Variants in SMAD4 observed in about 807,000 individuals in gnomAD.
SMAD4 encodes the protein MAD homolog 4.
SMAD4 carries 7 observed loss-of-function variants against 63.2 expected under a neutral mutation model. The ratio of observed to expected loss-of-function variants is 0.11; its 90% CI spans 0.06 to 0.21. SMAD4 has a LOEUF of 0.21. Ranked by LOEUF, SMAD4 falls within the 10% of genes least tolerant of loss-of-function variation. The pLI, the probability that SMAD4 is intolerant of heterozygous loss-of-function variation, is 1.00. For synonymous variants in SMAD4, 215 were observed against 235.4 expected, an observed-to-expected ratio of 0.91 and a Z score of 0.79; for missense variants, 312 against 693.8, an observed-to-expected ratio of 0.45 and a Z score of 6.18.
chr18:51,043,045 A>G (rs1909436505), intron 1 of SMAD4, among the ~76,000 whole-genome samples: 1 of 152,174 alleles, frequency 6.6e-6, no homozygotes, highest in Non-Finnish European at 1.5e-5. Context: ...ATGCCTGAGT[A>G]TTTATAGGTG....
intron 1 of SMAD4, among the ~76,000 whole-genome samples, chr18:51,033,049 C>T (rs935682140): frequency 2.0e-5 from 3 of 151,862 alleles, no homozygotes; most frequent in Admixed American, 2.0e-4. Flanking sequence ...TGGTTACGCC[C>T]CAAAATTTTT....
chr18:51,036,912 C>T (rs1396718198), intron 1 of SMAD4, among the ~76,000 whole-genome samples: 1 of 152,210 alleles, frequency 6.6e-6, no homozygotes, highest in Admixed American at 6.5e-5. Context: ...AATCTCAGCA[C>T]TTTGGGAGGC....
intron 1 of SMAD4, among the ~76,000 whole-genome samples, chr18:51,033,967 A>G (rs1350433596): frequency 1.3e-5 from 2 of 152,238 alleles, no homozygotes; most frequent in Non-Finnish European, 1.5e-5. Flanking sequence ...TGCAAATTAT[A>G]TTATAGATCA....
chr18:51,042,811 C>T (rs528323363), intron 1 of SMAD4, among the ~76,000 whole-genome samples: 70 of 152,322 alleles, frequency 4.6e-4, no homozygotes, highest in African/African-American at 1.5e-3. Context: ...AAGCAGTCCT[C>T]CTGCCCCAGC....
At chr18:51,077,620 A>G (rs547420439) in intron 11 of SMAD4, among the ~76,000 whole-genome samples, 13 of 152,308 alleles carry the variant, frequency 8.5e-5, no homozygotes, top group Non-Finnish European at 1.6e-4. Context: ...TAGATTAGGC[A>G]TATTCATTGA....
rs954395689 is a variant in SMAD4, at chr18:51,067,633, G to A, written c.1308+446G>A. 2.6e-5 allele frequency among the ~76,000 whole-genome samples: 4 copies of A among 151,962 alleles called. No homozygotes were observed. The South Asian group carries it at 6.2e-4, about 24-fold the overall frequency. ...TCACCATGTTGGCCAGGCTGGTCTC[G>A]AACTCCTGACCTAAAGTGATCCGCC... On this transcript the variant is annotated intron_variant, in intron 10 of 11. Transcript: ENST00000342988.
intron 10 of SMAD4, among the ~76,000 whole-genome samples, chr18:51,074,147 G>A (rs181276808): frequency 7.3e-4 from 111 of 151,638 alleles, no homozygotes; most frequent in Non-Finnish European, 1.3e-3. Context: ...GTCAAGGTAG[G>A]AGGATTGCTT....
intron 1 of SMAD4, 30 bp downstream of exon 1, chr18:51,030,653 C>G (rs1432125371): frequency 6.7e-6 from 1 of 150,052 alleles, no homozygotes; most frequent in African/African-American, 2.4e-5. Flanking sequence ...TCCCCTTCCC[C>G]CGGCCGGGCC....
intron 10 of SMAD4, among the ~76,000 whole-genome samples, chr18:51,069,215 T>A (rs1418688601): frequency 1.3e-5 from 2 of 152,098 alleles, no homozygotes; most frequent in African/African-American, 4.8e-5. Flanking sequence ...TTCCAGGGTT[T>A]AAGTGATTCT....
intron 1 of SMAD4, among the ~76,000 whole-genome samples, chr18:51,044,101 G>A (rs188119770): frequency 2.0e-5 from 3 of 152,252 alleles, no homozygotes; most frequent in Middle Eastern, 3.4e-3. Flanking sequence ...AATTGTAATC[G>A]TAATTGTTAA....
intron 1 of SMAD4, among the ~76,000 whole-genome samples, chr18:51,041,469 T>A (rs1437465034): frequency 2.6e-5 from 4 of 152,218 alleles, no homozygotes; most frequent in Admixed American, 1.3e-4. Flanking sequence ...TAATTTATTT[T>A]GCGTGTTGTC....
At position 51,032,070 on chromosome 18, in the gene SMAD4, A is replaced by G. The variant is rs77212176; in HGVS notation, c.-128+1447A>G. 3.9e-4 allele frequency among the ~76,000 whole-genome samples: 60 copies of G among 152,338 alleles called. 2 individuals carry two copies. The East Asian group carries it at 0.01, about 26-fold the overall frequency. ...ATGGGTTTGTTACAGAACAAATGTAATAGAGATGGACCAAGCATTTGTAAT... is the reference window on the plus strand; with the variant it reads ...ATGGGTTTGTTACAGAACAAATGTAGTAGAGATGGACCAAGCATTTGTAAT... On this transcript the variant is annotated intron_variant, in intron 1 of 11. Transcript: ENST00000342988.
chr18:51,076,568 C>A, intron 10 of SMAD4, 70 bp from the exon 11 acceptor site: 1 of 1,369,316 alleles, frequency 7.3e-7, no homozygotes, highest in Non-Finnish European at 1.0e-6. Context: ...TTAAATAAGT[C>A]AGGCATTGGT....
At chr18:51,057,517 T>G (rs1909876870) in intron 5 of SMAD4, among the ~76,000 whole-genome samples, 1 of 152,162 alleles carries the variant, frequency 6.6e-6, no homozygotes, top group Non-Finnish European at 1.5e-5. Context: ...TTGAAAAAAT[T>G]TGAAAGTAGA....
In SMAD4 at chr18:51,081,477, T is replaced by C. The variant is rs1910611948; in HGVS notation, c.*3010T>C. 4.3e-6 allele frequency: 1 copy of C among 231,266 alleles called. No individual in the cohort carries two copies. The highest frequency in any genetic ancestry group is 1.8e-4 in the South Asian group (1 of 5,524). The allele number at this position is 231,266 out of a possible 1,614,324, so 14.3% of individuals were successfully genotyped here. A position where few individuals can be genotyped will look rare whatever the true frequency, so the allele number is the denominator to read the frequency against. Reference sequence around the variant, plus strand: ...GACAATAAATCACTGCCATATAACCTTGCTTTTTCCAGAAACATGGCTGTT... The same window carrying C: ...GACAATAAATCACTGCCATATAACCCTGCTTTTTCCAGAAACATGGCTGTT... On this transcript the variant is annotated 3_prime_UTR_variant, in exon 12 of 12. Transcript: ENST00000342988.
At chr18:51,072,837 G>T (rs1242745686) in intron 10 of SMAD4, among the ~76,000 whole-genome samples, 1 of 152,080 alleles carries the variant, frequency 6.6e-6, no homozygotes, top group Non-Finnish European at 1.5e-5. Context: ...ACTTTGAATT[G>T]CCTTTGTCAA....
rs1412497930 is a variant in SMAD4 at position 51,059,761 on chromosome 18, AATTCCTAACCT to A, written c.905-102_905-92del. Reference sequence around the variant, plus strand: ...GACATTGCATAAGCTTGTTTTAAACAATTCCTAACCTATAATAGTTATATTTAAGTAAGATT... The same window carrying A: ...GACATTGCATAAGCTTGTTTTAAACAATAATAGTTATATTTAAGTAAGATT... On this transcript the variant is annotated intron_variant, in intron 7 of 11. Transcript: ENST00000342988. 1.8e-4 allele frequency: 156 copies of A among 857,382 alleles called. 1 individual carries two copies. In the Admixed American group the frequency reaches 3.0e-3, roughly 16 times the overall value. 53.1% of individuals were successfully genotyped at this position (857,382 alleles called of 1,614,324 possible). A position where few individuals can be genotyped will look rare whatever the true frequency, so the allele number is the denominator to read the frequency against.
At chr18:51,061,645 A>G (rs1910018108) in intron 8 of SMAD4, among the ~76,000 whole-genome samples, 1 of 152,236 alleles carries the variant, frequency 6.6e-6, no homozygotes, top group African/African-American at 2.4e-5. Flanking sequence ...CCTCAGTTTC[A>G]GCCATTATCA....
chr18:51,031,137 A>G (rs1196305694), intron 1 of SMAD4, among the ~76,000 whole-genome samples: 1 of 152,188 alleles, frequency 6.6e-6, no homozygotes, highest in Non-Finnish European at 1.5e-5. Context: ...TGAGAGTGAC[A>G]GCGGTATGCA....
Sources: allele counts gnomAD v4.1 joint callset (sites outside exome capture counted in the v4.1 genomes callset), GRCh38; gene constraint gnomAD v4.1.1; transcripts MANE v1.5; gene names NCBI Gene and HGNC (gene_info 2026-07-23, HGNC 2026-07-21).